PARD3B: variants seen among roughly 807,000 people sequenced by gnomAD.
PARD3B encodes the protein par-3 family cell polarity regulator beta.
In PARD3B, 103 loss-of-function variants were observed where a neutral mutation model predicts 130.2. The observed-to-expected ratio is 0.79, with a 90% confidence interval of 0.67 to 0.93. The LOEUF is 0.93. Among genes scored for constraint, PARD3B ranks in the 40% least tolerant of loss-of-function variants. The probability of loss-of-function intolerance (pLI) is 0.00; values close to 1 mark genes in which losing one functional copy is unlikely to be tolerated. For missense variants in PARD3B, 1,609 were observed against 1,499.2 expected (o/e 1.07, Z -1.21); for synonymous variants, 583 against 553.2 (o/e 1.05, Z -0.76).
chr2:204,713,384 A>G (rs990306547), intron 2 of PARD3B, among the ~76,000 whole-genome samples: 1 of 142,162 alleles, frequency 7.0e-6, no homozygotes, highest in Non-Finnish European at 1.5e-5. Context: ...CCCAATAAAA[A>G]AATAGGTTTA....
chr2:204,975,244 T>A (rs896919799), intron 3 of PARD3B, among the ~76,000 whole-genome samples: 23 of 152,206 alleles, frequency 1.5e-4, no homozygotes, highest in African/African-American at 5.3e-4. Context: ...TCATAAAATT[T>A]TAACTTTTTA....
chr2:204,939,916 A>T (rs1293721721), intron 2 of PARD3B, among the ~76,000 whole-genome samples: 1 of 152,210 alleles, frequency 6.6e-6, no homozygotes, highest in African/African-American at 2.4e-5. Context: ...TTAAATTACC[A>T]TTATACCTGA....
Position 205,325,646 on chromosome 2 carries a change from G to A in PARD3B, c.2630+23945G>A, listed in dbSNP as rs147948075. Among the ~76,000 whole-genome samples, 747 of 152,054 alleles carry A rather than the reference G, an allele frequency of 4.9e-3. 6 individuals are homozygous for A. Among genetic ancestry groups the A allele is most frequent in the African/African-American group, 0.017 (701 of 41,496 alleles). ...AGGGCTAAGTGATCCTCCCACCTCA[G>A]CCTCCCAAATAGCTGGGATTGCAAG... On this transcript the variant is annotated intron_variant, in intron 18 of 22. Transcript: ENST00000406610. The surrounding 1 kb of genome is among the most constrained non-coding windows in gnomAD (Gnocchi z 4.1).
chr2:205,248,233 G>A (rs1212352234), intron 16 of PARD3B, among the ~76,000 whole-genome samples: 2 of 151,986 alleles, frequency 1.3e-5, no homozygotes, highest in Non-Finnish European at 2.9e-5. Context: ...ATGAACCACA[G>A]AGCCTGGCCA....
At chr2:205,074,096 T>A (rs1356286408) in intron 4 of PARD3B, among the ~76,000 whole-genome samples, 2 of 152,212 alleles carry the variant, frequency 1.3e-5, no homozygotes, top group Non-Finnish European at 2.9e-5. Context: ...TTTAAATGTA[T>A]CTTTTTCTAG....
chr2:205,614,258 C>T (rs1317907027), intron 22 of PARD3B, among the ~76,000 whole-genome samples: 1 of 152,196 alleles, frequency 6.6e-6, no homozygotes, highest in East Asian at 1.9e-4. Context: ...GACAGGGCCA[C>T]TTTCTGTTAG....
rs899028448 is a variant in PARD3B, at chr2:204,677,502, A to G, written c.121-8679A>G. On this transcript the variant is annotated intron_variant, in intron 1 of 22. Transcript: ENST00000406610. This position sits in a 1 kb window ranked among gnomAD's most constrained non-coding sequence, Gnocchi z 4.1. Reference sequence around the variant, plus strand: ...CCTCAATTAATTCAGCTCACTCATCATAAGATGTATTTCCATCTCCTTAAC... The same window carrying G: ...CCTCAATTAATTCAGCTCACTCATCGTAAGATGTATTTCCATCTCCTTAAC... Among the ~76,000 whole-genome samples the G allele has an allele frequency of 2.6e-5, 4 of 152,236 alleles. No individual in the cohort carries two copies. Among genetic ancestry groups the G allele is most frequent in the African/African-American group, 7.2e-5 (3 of 41,466 alleles).
At chr2:204,779,177 G>A (rs903301319) in intron 2 of PARD3B, among the ~76,000 whole-genome samples, 1 of 152,044 alleles carries the variant, frequency 6.6e-6, no homozygotes, top group Non-Finnish European at 1.5e-5. Flanking sequence ...CCTCAGAGAT[G>A]CCATCATCCC....
At chr2:205,098,369 A>G (rs1205716564) in intron 4 of PARD3B, among the ~76,000 whole-genome samples, 1 of 152,160 alleles carries the variant, frequency 6.6e-6, no homozygotes, top group Admixed American at 6.5e-5. Context: ...TGAGGGGGAA[A>G]AATCATGGCC....
chr2:204,826,902 C>T (rs372958392), intron 2 of PARD3B, among the ~76,000 whole-genome samples: 1 of 152,034 alleles, frequency 6.6e-6, no homozygotes, highest in South Asian at 2.1e-4. Flanking sequence ...TGCCTATAGT[C>T]CTAGCTACTC....
At chr2:205,016,399 C>A (rs139849181) in intron 3 of PARD3B, among the ~76,000 whole-genome samples, 107 of 152,274 alleles carry the variant, frequency 7.0e-4, no homozygotes, top group African/African-American at 2.5e-3. Flanking sequence ...CGTACCTTCA[C>A]GTGTCTTTCA....
At chr2:204,889,880 C>T (rs2046386859) in intron 2 of PARD3B, among the ~76,000 whole-genome samples, 1 of 152,206 alleles carries the variant, frequency 6.6e-6, no homozygotes, top group African/African-American at 2.4e-5. Context: ...GTTTCTTTTC[C>T]GTGAAATAAC....
chr2:204,747,516 T>A (rs999421469), intron 2 of PARD3B, among the ~76,000 whole-genome samples: 1 of 152,084 alleles, frequency 6.6e-6, no homozygotes, highest in Non-Finnish European at 1.5e-5. Flanking sequence ...CCAAGGTAAT[T>A]TATAGATTCA....
intron 2 of PARD3B, among the ~76,000 whole-genome samples, chr2:204,835,206 C>T (rs556919751): frequency 1.3e-5 from 2 of 152,212 alleles, no homozygotes; most frequent in Non-Finnish European, 2.9e-5. Flanking sequence ...ACACCCAGTC[C>T]TCTGATCTGG....
At chr2:205,211,648 G>C (rs2037640998) in intron 15 of PARD3B, among the ~76,000 whole-genome samples, 1 of 152,066 alleles carries the variant, frequency 6.6e-6, no homozygotes, top group African/African-American at 2.4e-5. Context: ...TACCCACTTG[G>C]TTTCTAGTGT....
chr2:205,286,523 T>A (rs554738962), intron 16 of PARD3B, among the ~76,000 whole-genome samples: 20 of 152,334 alleles, frequency 1.3e-4, no homozygotes, highest in African/African-American at 4.8e-4. Context: ...TTAAGCACCC[T>A]AGACTGCTTT....
At chr2:205,209,329 A>G (rs1208601333) in intron 15 of PARD3B, among the ~76,000 whole-genome samples, 1 of 151,874 alleles carries the variant, frequency 6.6e-6, no homozygotes, top group Admixed American at 6.6e-5. Context: ...TCATGTCTAA[A>G]ACACCAAAAG....
In PARD3B at chr2:204,602,132, T is replaced by A. The variant is rs2033538311; in HGVS notation, c.120+56013T>A. 2.0e-5 allele frequency among the ~76,000 whole-genome samples: 3 copies of A among 152,032 alleles called. No individual in the cohort carries two copies. The South Asian group carries it at 6.2e-4, about 32-fold the overall frequency. On this transcript the variant is annotated intron_variant, in intron 1 of 22. Transcript: ENST00000406610. ...CTCAGCTCTGTCACTTGCCATTTAC[T>A]CCTTGAGCCTAAATATTCTGTTTTG... is the stretch of plus-strand genomic sequence containing the variant.
At chr2:204,916,676 G>A (rs2047458411) in intron 2 of PARD3B, among the ~76,000 whole-genome samples, 1 of 151,884 alleles carries the variant, frequency 6.6e-6, no homozygotes, top group South Asian at 2.1e-4. Flanking sequence ...ATTCACTGTA[G>A]GGAAACTGTA....
Sources: allele counts gnomAD v4.1 joint callset (sites outside exome capture counted in the v4.1 genomes callset), GRCh38; gene constraint gnomAD v4.1.1; non-coding constraint Gnocchi (gnomAD v3.1); transcripts MANE v1.5; gene names NCBI Gene and HGNC (gene_info 2026-07-23, HGNC 2026-07-21).